SGSM1: variants seen among roughly 807,000 people sequenced by gnomAD.
The protein encoded by SGSM1 is RUN and TBC1 domain containing 2.
SGSM1 carries 73 observed loss-of-function variants against 133.8 expected under a neutral mutation model. The observed-to-expected ratio is 0.55, with a 90% CI of 0.45 to 0.66. The LOEUF is 0.66. Among genes scored for constraint, SGSM1 ranks in the 30% least tolerant of loss-of-function variants. The probability of loss-of-function intolerance (pLI) is 0.00; values close to 1 mark genes in which losing one functional copy is unlikely to be tolerated. For synonymous variants in SGSM1, 563 were observed against 573.0 expected, an observed-to-expected ratio of 0.98 and a Z score of 0.25; for missense variants, 1,213 against 1,448.1, an observed-to-expected ratio of 0.84 and a Z score of 2.64.
At chr22:24,870,682 C>T (rs544643069) in intron 12 of SGSM1, among the ~76,000 whole-genome samples, 1 of 152,278 alleles carries the variant, frequency 6.6e-6, no homozygotes, top group African/African-American at 2.4e-5. Context: ...TCTCTGGCCA[C>T]AAGAGTCCCT....
At chr22:24,816,669 C>A (rs988654564) in intron 2 of SGSM1, among the ~76,000 whole-genome samples, 1 of 151,944 alleles carries the variant, frequency 6.6e-6, no homozygotes, top group East Asian at 1.9e-4. Flanking sequence ...CCTCCCAAAG[C>A]GCTGGGAAAA....
intron 15 of SGSM1, 40 bp downstream of exon 15, chr22:24,884,238 C>T (rs946635289): frequency 5.0e-5 from 79 of 1,579,102 alleles, no homozygotes; most frequent in Non-Finnish European, 6.5e-5. Context: ...GATGCAGAGG[C>T]TGCAGGGGGG....
In SGSM1 at chr22:24,925,941, G is replaced by C. The variant is rs531479045; in HGVS notation, c.*1667G>C. On this transcript the variant is annotated 3_prime_UTR_variant, in exon 25 of 25. Coordinates refer to ENST00000400358, the MANE Select transcript of SGSM1 (RefSeq NM_001098497.3). Reference sequence around the variant, plus strand: ...TCCTTTCAATAGAGCAGTCTTTCCCGCTCTTCTGTTCTGAGAATGCACCCG... The same window carrying C: ...TCCTTTCAATAGAGCAGTCTTTCCCCCTCTTCTGTTCTGAGAATGCACCCG... The C allele has an allele frequency of 6.6e-6, 1 of 152,286 alleles. No homozygotes were observed. Among genetic ancestry groups the C allele is most frequent in the Non-Finnish European group, 1.5e-5 (1 of 68,066 alleles). 9.4% of individuals were successfully genotyped at this position (152,286 alleles called of 1,614,324 possible).
intron 4 of SGSM1, 130 bp downstream of exon 4, chr22:24,847,926 ACT>A: frequency 6.5e-6 from 8 of 1,237,916 alleles, no homozygotes; most frequent in Non-Finnish European, 8.7e-6. Context: ...AACCCACCAG[ACT>A]CTTTCCCACC....
intron 14 of SGSM1, 99 bp downstream of exon 14, chr22:24,879,625 AC>A: frequency 8.6e-7 from 1 of 1,159,774 alleles, no homozygotes. Flanking sequence ...TGGAGTTTGA[AC>A]CTCTCCTCCT....
At chr22:24,852,712 G>A (rs539439157) in intron 5 of SGSM1, among the ~76,000 whole-genome samples, 1 of 152,156 alleles carries the variant, frequency 6.6e-6, no homozygotes, top group African/African-American at 2.4e-5. Context: ...CAAAGTGCTG[G>A]GATTACAAGC....
At chr22:24,865,107 G>A (rs1931372924) in intron 9 of SGSM1, among the ~76,000 whole-genome samples, 1 of 152,208 alleles carries the variant, frequency 6.6e-6, no homozygotes, top group African/African-American at 2.4e-5. Context: ...AAGAGACTGT[G>A]GCCACAGAGC....
chr22:24,834,916 C>T (rs1174069240), intron 2 of SGSM1, among the ~76,000 whole-genome samples: 3 of 152,086 alleles, frequency 2.0e-5, no homozygotes, highest in Non-Finnish European at 2.9e-5. Flanking sequence ...TCAATTGCCT[C>T]CTCTGCCAGC....
intron 12 of SGSM1, among the ~76,000 whole-genome samples, chr22:24,872,887 C>A: frequency 6.6e-6 from 1 of 151,802 alleles, no homozygotes; most frequent in East Asian, 1.9e-4. Context: ...CCATTGCGCT[C>A]CAGCCTGGGC....
intron 2 of SGSM1, among the ~76,000 whole-genome samples, chr22:24,839,079 A>G (rs970953671): frequency 2.0e-5 from 3 of 152,204 alleles, no homozygotes; most frequent in Non-Finnish European, 4.4e-5. Flanking sequence ...ATTTTGAGAT[A>G]GAGTCTTGCT....
chr22:24,843,203 T>C (rs1040316960), intron 2 of SGSM1, among the ~76,000 whole-genome samples: 4 of 151,872 alleles, frequency 2.6e-5, no homozygotes, highest in African/African-American at 9.7e-5. Context: ...CTGCAGGCAA[T>C]GCCCAGCTTG....
At chr22:24,820,993 G>C (rs1928436624) in intron 2 of SGSM1, among the ~76,000 whole-genome samples, 1 of 152,162 alleles carries the variant, frequency 6.6e-6, no homozygotes, top group African/African-American at 2.4e-5. Flanking sequence ...TCTCTGAGAT[G>C]GTGGCATTTG....
rs556135664 is a variant in SGSM1, at chr22:24,882,057, T to C, written c.1496-1996T>C. ...GCTTCAATTTTTGTATTTTTTTTTATTTAAATTTAAAATTTCTACTTTTAT... is the reference window on the plus strand; with the variant it reads ...GCTTCAATTTTTGTATTTTTTTTTACTTAAATTTAAAATTTCTACTTTTAT... On this transcript the variant is annotated intron_variant, in intron 14 of 24. Coordinates refer to ENST00000400358, the MANE Select transcript of SGSM1 (RefSeq NM_001098497.3). Among the ~76,000 whole-genome samples, 4 of 152,206 alleles carry C rather than the reference T, an allele frequency of 2.6e-5. No homozygotes were observed. The East Asian group carries it at 7.7e-4, about 29-fold the overall frequency.
rs1374303913 is a variant in SGSM1, at chr22:24,845,940, CTTTTCTTT to C, written c.139+969_139+976del. Among the ~76,000 whole-genome samples, 692 of 130,806 alleles carry C rather than the reference CTTTTCTTT, an allele frequency of 5.3e-3. 6 individuals are homozygous for C. Among genetic ancestry groups the C allele is most frequent in the Non-Finnish European group, 4.8e-3 (293 of 61,166 alleles). The allele number at this position is 130,806 out of a possible 152,430, so 85.8% of individuals were successfully genotyped here. The stretch of plus-strand genomic sequence containing the variant: ...TTGGGCAAGATCTTTCTTTTCTTTT[CTTTTCTTT>C]CTTTCTTTCTTTCTTTCTTTCTTTC... On this transcript the variant is annotated intron_variant, in intron 3 of 24. Coordinates refer to ENST00000400358, the MANE Select transcript of SGSM1 (RefSeq NM_001098497.3).
intron 17 of SGSM1, among the ~76,000 whole-genome samples, chr22:24,893,838 T>C (rs1037699019): frequency 2.0e-5 from 3 of 152,332 alleles, no homozygotes; most frequent in South Asian, 2.1e-4. Context: ...CCTTTTCTTC[T>C]GGGCCTCAGT....
At chr22:24,840,943 C>T (rs753418453) in intron 2 of SGSM1, among the ~76,000 whole-genome samples, 10 of 152,156 alleles carry the variant, frequency 6.6e-5, no homozygotes, top group Non-Finnish European at 1.2e-4. Flanking sequence ...CTCCGCCACC[C>T]GGGTTCACAC....
chr22:24,836,329 A>G (rs541429915), intron 2 of SGSM1, among the ~76,000 whole-genome samples: 1 of 152,260 alleles, frequency 6.6e-6, no homozygotes, highest in East Asian at 1.9e-4. Context: ...TGTGTAGACC[A>G]CATTTTGTCT....
intron 3 of SGSM1, among the ~76,000 whole-genome samples, chr22:24,845,731 C>T (rs77764361): frequency 0.034 from 5,124 of 152,240 alleles, 311 homozygotes; most frequent in African/African-American, 0.12. Context: ...CACCACCCCA[C>T]GGGGCCCACA....
chr22:24,856,160 A>G (rs999786878), intron 8 of SGSM1: 3 of 342,760 alleles, frequency 8.8e-6, no homozygotes, highest in Middle Eastern at 3.9e-4. Context: ...TGATTCAGCA[A>G]ACATTTCCAT....
Sources: gnomAD v4.1 joint callset for allele counts (sites outside exome capture counted in the v4.1 genomes callset) on GRCh38, gnomAD v4.1.1 for gene constraint, MANE v1.5 for transcripts, NCBI Gene and HGNC (gene_info 2026-07-23, HGNC 2026-07-21) for gene names.